Variants in CSMD1 observed in about 807,000 individuals in gnomAD.
CSMD1 encodes CUB and Sushi multiple domains 1.
In CSMD1, 213 loss-of-function variants were observed where a neutral mutation model predicts 417.5. The observed-to-expected ratio is 0.51, with a 90% confidence interval of 0.46 to 0.57. The LOEUF (loss-of-function observed/expected upper bound fraction) is 0.57, where lower values mean the gene tolerates loss of function less well. CSMD1 is among the 20% of genes least tolerant of loss of function. CSMD1 has a pLI of 0.00. For missense variants in CSMD1, 6,923 were observed against 4,529.7 expected (o/e 1.53, Z -15.17); for synonymous variants, 2,862 against 1,736.8 (o/e 1.65, Z -16.11).
chr8:4,435,809 C>T (rs1798117970), intron 2 of CSMD1, among the ~76,000 whole-genome samples: 2 of 152,170 alleles, frequency 1.3e-5, no homozygotes, highest in African/African-American at 4.8e-5. Flanking sequence ...AGACCGTGTC[C>T]CGAACACCTT....
intron 12 of CSMD1, among the ~76,000 whole-genome samples, chr8:3,461,728 C>A (rs1816517611): frequency 6.6e-6 from 1 of 152,332 alleles, no homozygotes; most frequent in Middle Eastern, 3.4e-3. Flanking sequence ...GGAGAAAAAG[C>A]TGGGGCCATT....
Position 3,294,523 on chromosome 8 carries a change from G to A in CSMD1, c.3951-10177C>T, listed in dbSNP as rs142007426. Among the ~76,000 whole-genome samples, 149 of 151,694 alleles carry A rather than the reference G, an allele frequency of 9.8e-4. 1 individual carries two copies. The highest frequency in any genetic ancestry group is 6.8e-3 in the Middle Eastern group (2 of 294). On this transcript the variant is annotated intron_variant, in intron 25 of 69. Transcript: ENST00000635120. ...TAGTCATTCAAGCCTTGGCAATGGC[G>A]GGCGCCCCTCCCCCAGCCTCGCTGC...
At chr8:4,533,873 G>C (rs553768900) in intron 2 of CSMD1, among the ~76,000 whole-genome samples, 2 of 149,440 alleles carry the variant, frequency 1.3e-5, no homozygotes, top group Non-Finnish European at 3.0e-5. Flanking sequence ...GTATGTATGT[G>C]TATAAATAAA....
At chr8:3,008,778 G>C (rs1157176701) in intron 52 of CSMD1, among the ~76,000 whole-genome samples, 1 of 152,180 alleles carries the variant, frequency 6.6e-6, no homozygotes, top group Non-Finnish European at 1.5e-5. Context: ...GAGTTATGCG[G>C]TTTGCAACCT....
At chr8:4,242,528 C>A (rs970397951) in intron 3 of CSMD1, among the ~76,000 whole-genome samples, 1 of 152,304 alleles carries the variant, frequency 6.6e-6, no homozygotes, top group Middle Eastern at 3.4e-3. Context: ...TAAAAATGTT[C>A]TTAACTAGTC....
chr8:4,437,345 AT>A (rs1369471537), intron 2 of CSMD1, among the ~76,000 whole-genome samples: 1 of 152,192 alleles, frequency 6.6e-6, no homozygotes, highest in Non-Finnish European at 1.5e-5. Context: ...AAGAAAATAC[AT>A]TTTAAGGTAT....
intron 1 of CSMD1, among the ~76,000 whole-genome samples, chr8:4,825,070 C>A (rs1209186521): frequency 6.6e-6 from 1 of 152,112 alleles, no homozygotes; most frequent in African/African-American, 2.4e-5. Context: ...TTATTCTCTC[C>A]CATTTTAAAT....
chr8:4,593,017 CT>C (rs1377856656), intron 2 of CSMD1, among the ~76,000 whole-genome samples: 1 of 152,212 alleles, frequency 6.6e-6, no homozygotes, highest in Admixed American at 6.5e-5. Flanking sequence ...TAGAAAATTT[CT>C]TATTGGTCTA....
chr8:4,163,223 G>A (rs1011464068), intron 3 of CSMD1, among the ~76,000 whole-genome samples: 11 of 152,168 alleles, frequency 7.2e-5, no homozygotes, highest in African/African-American at 2.2e-4. Context: ...GTACACGTAA[G>A]TTTTTAGCTC....
At chr8:4,773,975 C>A (rs919478141) in intron 1 of CSMD1, among the ~76,000 whole-genome samples, 1 of 152,104 alleles carries the variant, frequency 6.6e-6, no homozygotes, top group Non-Finnish European at 1.5e-5. Context: ...GTGGGTGGAT[C>A]GCCTCAGGTC....
chr8:4,684,054 G>T (rs1806218046), intron 1 of CSMD1, among the ~76,000 whole-genome samples: 1 of 152,278 alleles, frequency 6.6e-6, no homozygotes, highest in South Asian at 2.1e-4. Flanking sequence ...TACAATTTTT[G>T]TAAGTTTAGA....
At chr8:3,735,713 C>T (rs1422292054) in intron 6 of CSMD1, among the ~76,000 whole-genome samples, 2 of 152,170 alleles carry the variant, frequency 1.3e-5, no homozygotes, top group Non-Finnish European at 2.9e-5. Context: ...TCATGGACAA[C>T]AGAAACTCGT....
intron 26 of CSMD1, among the ~76,000 whole-genome samples, chr8:3,246,375 C>T (rs995532535): frequency 7.9e-5 from 12 of 152,190 alleles, no homozygotes; most frequent in African/African-American, 2.9e-4. Flanking sequence ...CCCTGAAATG[C>T]CAGTTTCTCC....
At chr8:3,641,510 T>C (rs1446880221) in intron 7 of CSMD1, among the ~76,000 whole-genome samples, 1 of 152,222 alleles carries the variant, frequency 6.6e-6, no homozygotes, top group Non-Finnish European at 1.5e-5. Flanking sequence ...CTCGGTCTCT[T>C]GGGCAAACTT....
chr8:4,184,258 C>A (rs1003104177), intron 3 of CSMD1, among the ~76,000 whole-genome samples: 1 of 152,156 alleles, frequency 6.6e-6, no homozygotes, highest in Non-Finnish European at 1.5e-5. Context: ...TTCAGCACAG[C>A]CCATATGCTC....
At chr8:3,572,283 G>T (rs1799977827) in intron 10 of CSMD1, among the ~76,000 whole-genome samples, 1 of 152,178 alleles carries the variant, frequency 6.6e-6, no homozygotes, top group South Asian at 2.1e-4. Flanking sequence ...TCTGAGGGCA[G>T]AGCCTGGGGC....
intron 5 of CSMD1, among the ~76,000 whole-genome samples, chr8:3,778,254 G>C (rs965844651): frequency 6.6e-6 from 1 of 152,140 alleles, no homozygotes; most frequent in Non-Finnish European, 1.5e-5. Context: ...TCTGACATTT[G>C]CTATCACATT....
At chr8:4,562,786 G>C (rs929409769) in intron 2 of CSMD1, among the ~76,000 whole-genome samples, 1 of 151,904 alleles carries the variant, frequency 6.6e-6, no homozygotes, top group Non-Finnish European at 1.5e-5. Flanking sequence ...ATCCTAAAAG[G>C]TATATCATAT....
intron 16 of CSMD1, 62 bp from the exon 17 acceptor site, chr8:3,396,443 C>G: frequency 2.5e-6 from 3 of 1,178,972 alleles, no homozygotes; most frequent in East Asian, 2.6e-5. Context: ...AGACGTGCTC[C>G]TGACATCCTC....
Sources: gnomAD v4.1 joint callset for allele counts (sites outside exome capture counted in the v4.1 genomes callset) on GRCh38, gnomAD v4.1.1 for gene constraint, MANE v1.5 for transcripts, NCBI Gene and HGNC (gene_info 2026-07-23, HGNC 2026-07-21) for gene names.